Variants in MAP3K2 observed in about 807,000 individuals in gnomAD.
MAP3K2 encodes the protein MAP/ERK kinase kinase 2.
MAP3K2 carries 24 observed loss-of-function variants against 80.3 expected under a neutral mutation model. The ratio of observed to expected loss-of-function variants is 0.30; its 90% CI spans 0.22 to 0.42. The LOEUF is 0.42. MAP3K2 is among the 10% of genes least tolerant of loss of function. The pLI is 1.00. For missense variants in MAP3K2, 608 were observed against 750.1 expected (o/e 0.81, Z 2.21); for synonymous variants, 244 against 253.7 (o/e 0.96, Z 0.36).
intron 1 of MAP3K2, among the ~76,000 whole-genome samples, chr2:127,356,643 T>C (rs560740523): frequency 6.6e-6 from 1 of 152,330 alleles, no homozygotes; most frequent in East Asian, 1.9e-4. Context: ...ATGTAATTTT[T>C]CAATTATGGT....
intron 13 of MAP3K2, 69 bp from the exon 14 acceptor site, chr2:127,317,829 A>G: frequency 1.4e-6 from 2 of 1,390,934 alleles, no homozygotes; most frequent in South Asian, 2.6e-5. Flanking sequence ...AACTTCATGG[A>G]CCATCAAGGT....
rs1161401184 is a variant in MAP3K2, at chr2:127,304,276, T to G, written c.*3303A>C. The G allele has an allele frequency of 1.3e-5, 2 of 152,218 alleles. No homozygotes were observed. The highest frequency in any genetic ancestry group is 6.6e-5 in the Admixed American group (1 of 15,264). The allele number at this position is 152,218 out of a possible 1,614,324, so 9.4% of individuals were successfully genotyped here. A position where few individuals can be genotyped will look rare whatever the true frequency, so the allele number is the denominator to read the frequency against. On this transcript the variant is annotated 3_prime_UTR_variant, in exon 17 of 17. Transcript: ENST00000682094. ...GATATTCATACTGAAATTTTCAGTC[T>G]GTATACTTTCAAATACATTTTAAAT...
chr2:127,318,097 C>G, intron 13 of MAP3K2, 72 bp downstream of exon 13: 4 of 1,068,504 alleles, frequency 3.7e-6, no homozygotes, highest in Non-Finnish European at 5.1e-6. Context: ...ATGGAAGGGG[C>G]TTAATGTTAA....
intron 4 of MAP3K2, among the ~76,000 whole-genome samples, chr2:127,336,228 C>T (rs1475359825): frequency 6.6e-6 from 1 of 152,178 alleles, no homozygotes. Context: ...TTAATTTGCA[C>T]TGAAACTACC....
In MAP3K2 at chr2:127,338,782, A is replaced by C. The variant is rs139789116; in HGVS notation, c.123+150T>G. Reference sequence around the variant, plus strand: ...ACGTCTTTGCTACTGTTAATAGATGAACACACACTCTTACACGAAAATGTG... The same window carrying C: ...ACGTCTTTGCTACTGTTAATAGATGCACACACACTCTTACACGAAAATGTG... On this transcript the variant is annotated intron_variant, in intron 3 of 16. Transcript: ENST00000682094. 1.5e-4 allele frequency: 90 copies of C among 599,882 alleles called. No homozygotes were observed. The African/African-American group carries it at 1.6e-3, about 10-fold the overall frequency. The allele number at this position is 599,882 out of a possible 1,614,324, so 37.2% of individuals were successfully genotyped here. A position where few individuals can be genotyped will look rare whatever the true frequency, so the allele number is the denominator to read the frequency against.
intron 7 of MAP3K2, among the ~76,000 whole-genome samples, chr2:127,328,148 G>A (rs964385085): frequency 6.6e-6 from 1 of 152,120 alleles, no homozygotes; most frequent in East Asian, 1.9e-4. Flanking sequence ...GGTGGCGGGC[G>A]CCTGTAATCT....
In MAP3K2 at chr2:127,302,912, T is replaced by A. The variant is rs1236966119; in HGVS notation, c.*4667A>T. ...TTTATTTATTTTTTTAAAAAGGAGGTAGAAAAGGGTAGGAGGAGGCAGGCA... is the reference window on the plus strand; with the variant it reads ...TTTATTTATTTTTTTAAAAAGGAGGAAGAAAAGGGTAGGAGGAGGCAGGCA... On this transcript the variant is annotated 3_prime_UTR_variant, in exon 17 of 17. Coordinates refer to ENST00000682094, the MANE Select transcript of MAP3K2 (RefSeq NM_001371910.2). 6.6e-6 allele frequency: 1 copy of A among 151,414 alleles called. No individual in the cohort carries two copies. Among genetic ancestry groups the A allele is most frequent in the African/African-American group, 2.4e-5 (1 of 41,180 alleles). The allele number at this position is 151,414 out of a possible 1,614,324, so 9.4% of individuals were successfully genotyped here.
chr2:127,376,955 G>A (rs537516565), intron 1 of MAP3K2, among the ~76,000 whole-genome samples: 1 of 152,042 alleles, frequency 6.6e-6, no homozygotes, highest in African/African-American at 2.4e-5. Flanking sequence ...CAGCTACTCA[G>A]GAAGCTGAGG....
At position 127,370,716 on chromosome 2, in the gene MAP3K2, G is replaced by A. The variant is rs192200431; in HGVS notation, c.-66+16736C>T. ...AGTGGGGAGAAATCTTAAACATCAT[G>A]CACAAGGACAACAGGTCCCAGTAAC... On this transcript the variant is annotated intron_variant, in intron 1 of 16. Transcript: ENST00000682094. Among the ~76,000 whole-genome samples the A allele has an allele frequency of 3.9e-5, 6 of 152,302 alleles. No individual in the cohort carries two copies. The East Asian group carries it at 9.6e-4, about 24-fold the overall frequency.
chr2:127,330,015 A>G lies in MAP3K2; in HGVS notation c.379-7T>C, dbSNP rs1300571439. 6.5e-7 allele frequency: 1 copy of G among 1,532,284 alleles called. No homozygotes were observed. The highest frequency in any genetic ancestry group is 9.0e-7 in the Non-Finnish European group (1 of 1,106,954). 94.9% of individuals were successfully genotyped at this position (1,532,284 alleles called of 1,614,324 possible). Reference sequence around the variant, plus strand: ...ATGGTTCTAAATTAGTAGCCTACAAAGGAGAAAAGACAGTTAATGCTATTC... The same window carrying G: ...ATGGTTCTAAATTAGTAGCCTACAAGGGAGAAAAGACAGTTAATGCTATTC... On this transcript the variant is annotated splice_region_variant and splice_polypyrimidine_tract_variant and intron_variant, in intron 6 of 16. Transcript: ENST00000682094.
At chr2:127,342,388 G>GGGGTGTGTGTGTGTGT (rs143219830) in intron 2 of MAP3K2, among the ~76,000 whole-genome samples, 4 of 147,744 alleles carry the variant, frequency 2.7e-5, no homozygotes, top group African/African-American at 1.0e-4. Flanking sequence ...TCTTCATGAG[G>GGGGTGTGTGTGTGTGT]GTGTGTGTGT....
chr2:127,322,959 A>G lies in MAP3K2; in HGVS notation c.839-707T>C, dbSNP rs1686055766. ...CTCATCATCAAAGAGTAATTTTCTA[A>G]TATCATTTAAAAGTTACTCCTTTTG... On this transcript the variant is annotated intron_variant, in intron 11 of 16. Coordinates refer to ENST00000682094, the MANE Select transcript of MAP3K2 (RefSeq NM_001371910.2). This position sits in a 1 kb window ranked among gnomAD's most constrained non-coding sequence, Gnocchi z 4.2. 1.3e-5 allele frequency among the ~76,000 whole-genome samples: 2 copies of G among 151,590 alleles called. No homozygotes were observed. Among genetic ancestry groups the G allele is most frequent in the African/African-American group, 4.8e-5 (2 of 41,282 alleles).
chr2:127,362,112 T>G (rs879701999), intron 1 of MAP3K2, among the ~76,000 whole-genome samples: 1 of 152,216 alleles, frequency 6.6e-6, no homozygotes, highest in African/African-American at 2.4e-5. Context: ...TACTCATCCA[T>G]ACTTTCTCTC....
At chr2:127,342,427 G>A (rs557771591) in intron 2 of MAP3K2, among the ~76,000 whole-genome samples, 124 of 148,180 alleles carry the variant, frequency 8.4e-4, no homozygotes, top group Admixed American at 1.6e-3. Context: ...GTGTGTATTT[G>A]TTTTGTTAAG....
At chr2:127,324,375 A>C in intron 9 of MAP3K2, 134 bp from the exon 10 acceptor site, 1 of 523,620 alleles carries the variant, frequency 1.9e-6, no homozygotes, top group Non-Finnish European at 3.4e-6. Flanking sequence ...TTGAAAGGTT[A>C]GCATACCTAA....
At chr2:127,336,341 A>C (rs1457087512) in intron 4 of MAP3K2, among the ~76,000 whole-genome samples, 1 of 152,248 alleles carries the variant, frequency 6.6e-6, no homozygotes, top group Non-Finnish European at 1.5e-5. Context: ...GTTAAAAAGA[A>C]TAAAGTTGTT....
At chr2:127,313,989 A>G (rs1175358336) in intron 15 of MAP3K2, among the ~76,000 whole-genome samples, 1 of 152,112 alleles carries the variant, frequency 6.6e-6, no homozygotes, top group Non-Finnish European at 1.5e-5. Flanking sequence ...TTATTGATTG[A>G]TTTATAAAGT....
chr2:127,351,281 T>C (rs2104859786), intron 1 of MAP3K2, among the ~76,000 whole-genome samples: 1 of 152,260 alleles, frequency 6.6e-6, no homozygotes, highest in East Asian at 1.9e-4. Context: ...AGTTGGATTC[T>C]GGATATGTAG....
intron 1 of MAP3K2, among the ~76,000 whole-genome samples, chr2:127,374,474 A>T (rs1424979739): frequency 6.6e-6 from 1 of 152,192 alleles, no homozygotes; most frequent in Admixed American, 6.5e-5. Flanking sequence ...AACTTATCTA[A>T]ACAATTTCAA....
Sources: gnomAD v4.1 joint callset for allele counts (sites outside exome capture counted in the v4.1 genomes callset) on GRCh38, gnomAD v4.1.1 for gene constraint, Gnocchi (gnomAD v3.1) non-coding constraint, MANE v1.5 for transcripts, NCBI Gene and HGNC (gene_info 2026-07-23, HGNC 2026-07-21) for gene names.